Variants in ZDHHC11 observed in about 807,000 individuals in gnomAD.
ZDHHC11 encodes palmitoyltransferase ZDHHC11.
ZDHHC11 carries 44 observed loss-of-function variants against 51.3 expected under a neutral mutation model. The observed-to-expected ratio is 0.86, with a 90% CI of 0.67 to 1.10. The LOEUF is 1.10. Among genes scored for constraint, ZDHHC11 ranks in the 50% least tolerant of loss-of-function variants. The pLI is 0.00. For missense variants in ZDHHC11, 400 were observed against 537.7 expected, an observed-to-expected ratio of 0.74 and a Z score of 2.53; for synonymous variants, 163 against 222.0, an observed-to-expected ratio of 0.73 and a Z score of 2.36.
chr5:840,145 C>G (rs1372709583), intron 5 of ZDHHC11: 2 of 619,392 alleles, frequency 3.2e-6, no homozygotes, highest in Non-Finnish European at 5.8e-6. Context: ...GTCCTTATTT[C>G]ATAATGTCCT....
At chr5:838,565 A>T (rs1744264531) in intron 5 of ZDHHC11, among the ~76,000 whole-genome samples, 1 of 152,094 alleles carries the variant, frequency 6.6e-6, no homozygotes, top group African/African-American at 2.4e-5. Flanking sequence ...AAGCTCCTGG[A>T]CATCCTGGAG....
chr5:854,194 G>A (rs1274399238), upstream of ZDHHC11, among the ~76,000 whole-genome samples: 1 of 148,020 alleles, frequency 6.8e-6, no homozygotes, highest in Non-Finnish European at 1.5e-5. Flanking sequence ...CGGGGGGACA[G>A]ACCCCATGGA....
In ZDHHC11 at chr5:801,857, T is replaced by A. The variant is rs184795705; in HGVS notation, c.1182-693A>T. Among the ~76,000 whole-genome samples, 98 of 151,516 alleles carry A rather than the reference T, an allele frequency of 6.5e-4. 4 individuals carry two copies. Among genetic ancestry groups the A allele is most frequent in the East Asian group, 5.0e-3 (26 of 5,186 alleles). ...CACTAGGAGACTTCTAAATCAAAAC[T>A]GCGTATCCATCACATGCTATAGTCT... On this transcript the variant is annotated intron_variant, in intron 11 of 12. Transcript: ENST00000283441.
chr5:825,172 T>G lies in ZDHHC11; in HGVS notation c.1015A>C (p.Thr339Pro). 6.2e-7 allele frequency: 1 copy of G among 1,612,108 alleles called. No homozygotes were observed. Among genetic ancestry groups the G allele is most frequent in the Non-Finnish European group, 8.5e-7 (1 of 1,178,592 alleles). Residue 339 changes from threonine to proline, a missense_variant, in exon 8 of 13, where the codon ACG becomes CCG. This residue lies in a region of ZDHHC11 where 231 missense variants were observed against 227.4 expected (regional missense o/e 1.02). Coordinates refer to ENST00000283441, the MANE Select transcript of ZDHHC11 (RefSeq NM_024786.3). Reference protein sequence around the residue: ...CTSVNQDGDSTAREGDEDPCP... With the variant: ...CTSVNQDGDSPAREGDEDPCP... ...TGGTGACTGCAACTTACCCGTGCCG[T>G]CGAATCCCCATCCTGGTTTACTGAA... is the stretch of plus-strand genomic sequence containing the variant.
At chr5:804,536 C>G (rs1738971636) in intron 11 of ZDHHC11, among the ~76,000 whole-genome samples, 1 of 151,290 alleles carries the variant, frequency 6.6e-6, no homozygotes, top group African/African-American at 2.4e-5. Context: ...GCCAAAAGAT[C>G]TACACCAAGA....
intron 11 of ZDHHC11, among the ~76,000 whole-genome samples, chr5:813,187 G>A (rs1740315379): frequency 7.0e-6 from 1 of 142,090 alleles, no homozygotes; most frequent in South Asian, 2.3e-4. Context: ...AGTTGGCTCA[G>A]TGTGGTGGCA....
At chr5:821,753 T>C (rs953566163) in intron 9 of ZDHHC11, 108 bp downstream of exon 9, 3 of 1,155,462 alleles carry the variant, frequency 2.6e-6, no homozygotes, top group African/African-American at 3.0e-5. Flanking sequence ...TTCAGGATAT[T>C]TGAAGACATT....
Position 823,932 on chromosome 5 carries a change from G to A in ZDHHC11, c.1023+1232C>T, listed in dbSNP as rs190152498. ...GCCAGGGTGGGCTGGGGGCTCAATCGATTTCCACCGAGTGTGTCTCCAAAT... is the reference window on the plus strand; with the variant it reads ...GCCAGGGTGGGCTGGGGGCTCAATCAATTTCCACCGAGTGTGTCTCCAAAT... On this transcript the variant is annotated intron_variant, in intron 8 of 12. Coordinates refer to ENST00000283441, the MANE Select transcript of ZDHHC11 (RefSeq NM_024786.3). 301 of 396,176 alleles carry A rather than the reference G, an allele frequency of 7.6e-4. 5 individuals are homozygous for A. The East Asian group carries it at 0.018, about 24-fold the overall frequency. 24.5% of individuals were successfully genotyped at this position (396,176 alleles called of 1,614,324 possible). A position where few individuals can be genotyped will look rare whatever the true frequency, so the allele number is the denominator to read the frequency against.
chr5:854,121 C>G (rs1201404838), upstream of ZDHHC11, among the ~76,000 whole-genome samples: 4 of 100,694 alleles, frequency 4.0e-5, no homozygotes, highest in South Asian at 3.6e-4. Flanking sequence ...CAGTGAGGAG[C>G]GGGGACAGAC....
rs58897555 is a variant in ZDHHC11 at position 850,828 on chromosome 5, G to C, written c.-226C>G. ...GGAATGAACAGACATGCTGCAGAATGTGACCCCGGCCAGAGCCGAGTGGCA... is the reference window on the plus strand; with the variant it reads ...GGAATGAACAGACATGCTGCAGAATCTGACCCCGGCCAGAGCCGAGTGGCA... On this transcript the variant is annotated 5_prime_UTR_variant, in exon 1 of 13. Transcript: ENST00000283441. 0.069 allele frequency: 43,004 copies of C among 622,634 alleles called. 7,922 individuals are homozygous for C. The highest frequency in any genetic ancestry group is 0.5 in the African/African-American group (27,267 of 54,234). 38.6% of individuals were successfully genotyped at this position (622,634 alleles called of 1,614,324 possible). A position where few individuals can be genotyped will look rare whatever the true frequency, so the allele number is the denominator to read the frequency against.
chr5:795,954 A>ACTGTATGCCCATTTCCCAGTC lies in ZDHHC11; in HGVS notation c.*633_*634insGACTGGGAAATGGGCATACAG, dbSNP rs1294188686. On this transcript the variant is annotated 3_prime_UTR_variant, in exon 13 of 13. Transcript: ENST00000283441. ...GTACTGTGTGCTCCCATTTCTCAGT[A>ACTGTATGCCCATTTCCCAGTC]CTGTATGCCCATTTCCCAGTACTGT... 6.7e-6 allele frequency: 1 copy of ACTGTATGCCCATTTCCCAGTC among 149,912 alleles called. No homozygotes were observed. The highest frequency in any genetic ancestry group is 1.5e-5 in the Non-Finnish European group (1 of 67,392). 9.3% of individuals were successfully genotyped at this position (149,912 alleles called of 1,614,324 possible).
intron 11 of ZDHHC11, among the ~76,000 whole-genome samples, chr5:806,036 T>G (rs1227002514): frequency 6.6e-6 from 1 of 150,838 alleles, no homozygotes; most frequent in East Asian, 1.9e-4. Flanking sequence ...ACACCAGAGG[T>G]GTGGCAGGTG....
At chr5:857,654 T>C (rs1748443349) in intron 1 of ZDHHC11, among the ~76,000 whole-genome samples, 1 of 150,092 alleles carries the variant, frequency 6.7e-6, no homozygotes, top group East Asian at 2.0e-4. Flanking sequence ...CATCCCTGTC[T>C]TTATGACACC....
chr5:854,865 G>T, upstream of ZDHHC11, among the ~76,000 whole-genome samples: 1 of 150,412 alleles, frequency 6.6e-6, no homozygotes, highest in East Asian at 2.0e-4. Flanking sequence ...GCGAGCCGGG[G>T]GGACAGACCC....
chr5:843,961 G>GC (rs1453968788), intron 3 of ZDHHC11, among the ~76,000 whole-genome samples: 3 of 95,126 alleles, frequency 3.2e-5, no homozygotes, highest in Non-Finnish European at 5.5e-5. Flanking sequence ...GCAGGTGGGG[G>GC]GTGCAGAGGC....
intron 8 of ZDHHC11, among the ~76,000 whole-genome samples, chr5:822,984 A>C (rs1579633825): frequency 6.7e-6 from 1 of 149,948 alleles, no homozygotes; most frequent in East Asian, 2.0e-4. Context: ...CACCCATTTA[A>C]AAACTGAGCT....
chr5:857,758 G>A (rs889176376), intron 1 of ZDHHC11, among the ~76,000 whole-genome samples: 4 of 132,294 alleles, frequency 3.0e-5, no homozygotes, highest in Non-Finnish European at 6.3e-5. Context: ...TTATGACACC[G>A]TGGTCCCCCG....
intron 11 of ZDHHC11, among the ~76,000 whole-genome samples, chr5:811,057 T>TG (rs1740032562): frequency 6.9e-6 from 1 of 145,838 alleles, no homozygotes; most frequent in South Asian, 2.3e-4. Context: ...GTGGGGGGAC[T>TG]GTGAGTGACT....
At chr5:859,867 C>T (rs77693131), upstream of ZDHHC11, among the ~76,000 whole-genome samples, 16,636 of 152,206 alleles carry the variant, frequency 0.11, 1,152 homozygotes, top group Admixed American at 0.2. Context: ...TCCCCAAGGA[C>T]TCCTATCTGA....
Sources: allele counts gnomAD v4.1 joint callset (sites outside exome capture counted in the v4.1 genomes callset), GRCh38; gene constraint gnomAD v4.1.1; regional missense constraint gnomAD v4.1.1; transcripts MANE v1.5; gene names NCBI Gene and HGNC (gene_info 2026-07-23, HGNC 2026-07-21).